Variants in ZNF695 observed in about 807,000 individuals in gnomAD.
The protein encoded by ZNF695 is zinc finger protein 695.
A neutral mutation model predicts 11.2 loss-of-function variants in ZNF695; 11 were observed. That is an observed-to-expected ratio of 0.98 (90% confidence interval 0.62 to 1.62). ZNF695 has a LOEUF of 1.62. ZNF695 is among the 40% of genes most tolerant of loss of function. The probability of loss-of-function intolerance (pLI) is 0.00; values close to 1 mark genes in which losing one functional copy is unlikely to be tolerated. For synonymous variants in ZNF695, 190 were observed against 201.4 expected (o/e 0.94, Z 0.48); for missense variants, 559 against 590.5 (o/e 0.95, Z 0.55).
intron 5 of ZNF695, among the ~76,000 whole-genome samples, chr1:246,950,135 T>C (rs1413823107): frequency 6.6e-6 from 1 of 152,186 alleles, no homozygotes; most frequent in African/African-American, 2.4e-5. Context: ...AGCCTACGGA[T>C]TAAAAGGAGA....
At chr1:247,001,173 G>C (rs987158585) in intron 1 of ZNF695, among the ~76,000 whole-genome samples, 1 of 152,072 alleles carries the variant, frequency 6.6e-6, no homozygotes, top group African/African-American at 2.4e-5. Context: ...GACACCCATA[G>C]GCTAAAAGTA....
chr1:247,000,123 T>C (rs750977184), intron 1 of ZNF695, 49 bp from the exon 2 acceptor site: 31 of 1,522,470 alleles, frequency 2.0e-5, no homozygotes, highest in Non-Finnish European at 1.2e-5. Flanking sequence ...AGTTCTTAAT[T>C]TGACTACAGG....
intron 4 of ZNF695, among the ~76,000 whole-genome samples, chr1:246,970,979 G>A (rs963504223): frequency 8.5e-5 from 13 of 152,172 alleles, no homozygotes; most frequent in Non-Finnish European, 1.3e-4. Context: ...ACGAGAGATC[G>A]TAGAAATAAA....
chr1:246,958,114 A>T (rs995218063), intron 5 of ZNF695, among the ~76,000 whole-genome samples: 45 of 151,098 alleles, frequency 3.0e-4, no homozygotes, highest in Admixed American at 5.9e-4. Context: ...GCTGGAGTGC[A>T]GTGGCGCGAT....
In ZNF695 at chr1:246,987,622, C is replaced by T; in HGVS notation, c.893G>A (p.Cys298Tyr). The change falls in exon 4 of 4, where the codon TGT becomes TAT. Residue 298 changes from cysteine (C) to tyrosine (Y), a missense_variant. Physicochemically the swap from Cys to Tyr is radical, Grantham distance 194. Transcript: ENST00000339986. ...KIHTGEKPYKCEECGKSFKLF... is the reference protein window; with the variant it reads ...KIHTGEKPYKYEECGKSFKLF... ...CTTAAAGGATTTGCCACATTCTTCA[C>T]ATTTGTATGGTTTCTCTCCAGTATG... 2 of 1,603,970 alleles carry T rather than the reference C, an allele frequency of 1.2e-6. No homozygotes were observed. The highest frequency in any genetic ancestry group is 1.7e-6 in the Non-Finnish European group (2 of 1,176,234).
chr1:246,983,061 G>A (rs921829958), downstream of ZNF695, among the ~76,000 whole-genome samples: 9 of 151,982 alleles, frequency 5.9e-5, no homozygotes, highest in Admixed American at 2.6e-4. Flanking sequence ...AAAATTAGCC[G>A]GGTGTGGTGG....
Position 246,952,229 on chromosome 1 carries a change from G to A in ZNF695, c.489-6402C>T, listed in dbSNP as rs185311253. Among the ~76,000 whole-genome samples the A allele has an allele frequency of 9.6e-4, 146 of 152,300 alleles. 1 individual carries two copies. Among genetic ancestry groups the A allele is most frequent in the Non-Finnish European group, 3.8e-4 (26 of 68,024 alleles). ...CTCCCAAAGTGCTGGGATTATAGGC[G>A]TGAGCCACTGTGTCCAGCCCCCAAG... is the stretch of plus-strand genomic sequence containing the variant. On this transcript the variant is annotated intron_variant, in intron 5 of 5. Transcript: ENST00000487338.
At chr1:246,959,825 A>T (rs1246482919) in intron 5 of ZNF695, among the ~76,000 whole-genome samples, 3 of 152,166 alleles carry the variant, frequency 2.0e-5, no homozygotes. Context: ...TAACAGCTAG[A>T]TGTTCTTAGT....
downstream of ZNF695, among the ~76,000 whole-genome samples, chr1:246,981,215 A>T (rs954910006): frequency 1.3e-5 from 2 of 152,244 alleles, no homozygotes; most frequent in Non-Finnish European, 2.9e-5. Context: ...CTATAATCAA[A>T]AAGACAGAGG....
rs1668881001 is a variant in ZNF695 at position 246,987,319 on chromosome 1, T to C, written c.1196A>G (p.Lys399Arg). ...GGGTTTCTGCCCAGTATGAATTCTC[T>C]TATGCTGAATAAGGTATGAGAACCA... is the stretch of plus-strand genomic sequence containing the variant. ...FTWFSYLIQH[K>R]RIHTGQKPYK... The change falls in exon 4 of 4, where the codon AAG (lysine) becomes AGG (arginine). Residue 399 changes from lysine (K) to arginine (R), a missense_variant. By Grantham distance (26) the Lys-to-Arg change is conservative (BLOSUM62 2). Transcript: ENST00000339986. 1.2e-6 allele frequency: 2 copies of C among 1,613,716 alleles called. No individual in the cohort carries two copies. Among genetic ancestry groups the C allele is most frequent in the Non-Finnish European group, 1.7e-6 (2 of 1,179,942 alleles).
chr1:246,992,389 G>A (rs1669067374), intron 3 of ZNF695, among the ~76,000 whole-genome samples: 2 of 151,946 alleles, frequency 1.3e-5, no homozygotes, highest in Non-Finnish European at 2.9e-5. Flanking sequence ...GAATGGTTAT[G>A]AGGCTGGAAA....
rs1351812190 is a variant in ZNF695, at chr1:246,945,839, A to G, written c.489-12T>C. ...TCGACGACTGGACCCTGAAAAAAAG[A>G]AAGAAAGAAAAGCAGCTTAAGGTTC... On this transcript the variant is annotated splice_polypyrimidine_tract_variant and intron_variant, in intron 5 of 5. Coordinates refer to the ZNF695 transcript ENST00000487338. The G allele has an allele frequency of 3.9e-6, 6 of 1,549,778 alleles. No individual in the cohort carries two copies. In the African/African-American group the frequency reaches 5.5e-5, roughly 14 times the overall value.
At chr1:246,996,011 C>T (rs1455804821) in intron 3 of ZNF695, 2 of 453,046 alleles carry the variant, frequency 4.4e-6, no homozygotes, top group East Asian at 1.4e-4. Flanking sequence ...GGAAAACAAC[C>T]CAAACTTACC....
At chr1:247,003,496 C>T (rs867614123) in intron 1 of ZNF695, among the ~76,000 whole-genome samples, 5 of 152,172 alleles carry the variant, frequency 3.3e-5, no homozygotes, top group Admixed American at 2.0e-4. Context: ...ATATTATGCT[C>T]ATTATCTGCG....
chr1:246,945,972 G>T, intron 5 of ZNF695: 3 of 972,550 alleles, frequency 3.1e-6, no homozygotes, highest in South Asian at 3.2e-5. Context: ...TCAAATTCAC[G>T]CAGGTGTGAG....
intron 4 of ZNF695, among the ~76,000 whole-genome samples, chr1:246,975,394 CA>C (rs1320822017): frequency 6.6e-6 from 1 of 152,118 alleles, no homozygotes; most frequent in Non-Finnish European, 1.5e-5. Context: ...CATTTAACTC[CA>C]AAGGAAATAT....
chr1:246,993,057 G>A (rs182127575), intron 3 of ZNF695, among the ~76,000 whole-genome samples: 60 of 152,256 alleles, frequency 3.9e-4, no homozygotes, highest in Admixed American at 7.2e-4. Flanking sequence ...CGAGAGATGG[G>A]CAACAGATAT....
chr1:246,985,429 A>G lies in ZNF695; in HGVS notation c.*1538T>C, dbSNP rs1329558576. ...GTAACGTGTGGGAACAATATTTTTC[A>G]AATTATTTGAAGTTTAATGCCACTG... is the stretch of plus-strand genomic sequence containing the variant. On this transcript the variant is annotated 3_prime_UTR_variant, in exon 4 of 4. Coordinates refer to ENST00000339986, the MANE Select transcript of ZNF695 (RefSeq NM_020394.5). 1 of 985,242 alleles carries G rather than the reference A, an allele frequency of 1.0e-6. No homozygotes were observed. Among genetic ancestry groups the G allele is most frequent in the African/African-American group, 1.7e-5 (1 of 57,216 alleles). 61.0% of individuals were successfully genotyped at this position (985,242 alleles called of 1,614,324 possible). A position where few individuals can be genotyped will look rare whatever the true frequency, so the allele number is the denominator to read the frequency against.
chr1:247,007,877 TCTCGGGACACCCTG>T lies in ZNF695; in HGVS notation c.3+15_3+28del. ...CCGATTCCAACCACCCCCTCTCCCTTCTCGGGACACCCTGCTCCGCACACTCACCATTTCCCAGC... is the reference window on the plus strand; with the variant it reads ...CCGATTCCAACCACCCCCTCTCCCTTCTCCGCACACTCACCATTTCCCAGC... On this transcript the variant is annotated intron_variant, in intron 1 of 3. Coordinates refer to ENST00000339986, the MANE Select transcript of ZNF695 (RefSeq NM_020394.5). 1 of 1,540,140 alleles carries T rather than the reference TCTCGGGACACCCTG, an allele frequency of 6.5e-7. No individual in the cohort carries two copies. The highest frequency in any genetic ancestry group is 8.8e-7 in the Non-Finnish European group (1 of 1,138,318).
Sources: gnomAD v4.1 joint callset for allele counts (sites outside exome capture counted in the v4.1 genomes callset) on GRCh38, gnomAD v4.1.1 for gene constraint, MANE v1.5 for transcripts, NCBI Gene and HGNC (gene_info 2026-07-23, HGNC 2026-07-21) for gene names.